The following OR56A1 variants were observed in gnomAD, a reference collection of about 807,000 sequenced individuals.
OR56A1 encodes olfactory receptor 56A1.
For synonymous variants in OR56A1, 174 were observed against 159.1 expected, an observed-to-expected ratio of 1.09 and a Z score of -0.70; for missense variants, 360 against 380.9, an observed-to-expected ratio of 0.94 and a Z score of 0.46.
At position 6,022,858 on chromosome 11, in the gene OR56A1, A is replaced by T. The variant is rs1848410725; in HGVS notation, c.*3890T>A. On this transcript the variant is annotated 3_prime_UTR_variant, in exon 2 of 2. Transcript: ENST00000641900. ...ATAGGTGCAGAAATGTTGTTATTATATACAGTACTCAGCCAAATGCTGATA... is the reference window on the plus strand; with the variant it reads ...ATAGGTGCAGAAATGTTGTTATTATTTACAGTACTCAGCCAAATGCTGATA... 6.6e-6 allele frequency: 1 copy of T among 152,192 alleles called. No individual in the cohort carries two copies. The highest frequency in any genetic ancestry group is 2.4e-5 in the African/African-American group (1 of 41,450). The allele number at this position is 152,192 out of a possible 1,614,324, so 9.4% of individuals were successfully genotyped here.
upstream of OR56A1, among the ~76,000 whole-genome samples, chr11:6,032,899 C>T (rs1176450778): frequency 1.3e-5 from 2 of 152,116 alleles, no homozygotes; most frequent in Non-Finnish European, 1.5e-5. Flanking sequence ...ACCAATTTAT[C>T]CAAACAGAAA....
upstream of OR56A1, among the ~76,000 whole-genome samples, chr11:6,031,376 C>A (rs955227678): frequency 1.3e-5 from 2 of 151,970 alleles, no homozygotes; most frequent in Non-Finnish European, 2.9e-5. Flanking sequence ...AGAGACATGA[C>A]CAGATTTAGG....
rs982369601 is a variant in OR56A1 at position 6,020,886 on chromosome 11, G to A, written c.*5862C>T. The A allele has an allele frequency of 6.6e-6, 1 of 152,030 alleles. No individual in the cohort carries two copies. Among genetic ancestry groups the A allele is most frequent in the African/African-American group, 2.4e-5 (1 of 41,410 alleles). 9.4% of individuals were successfully genotyped at this position (152,030 alleles called of 1,614,324 possible). A position where few individuals can be genotyped will look rare whatever the true frequency, so the allele number is the denominator to read the frequency against. ...GAGAAGGCATCTTTGCCTTGTGCCA[G>A]TTTTATAGGGGAATGCTTCCATCTT... On this transcript the variant is annotated 3_prime_UTR_variant, in exon 2 of 2. Coordinates refer to ENST00000641900, the MANE Select transcript of OR56A1 (RefSeq NM_001388488.1).
chr11:6,024,342 A>C lies in OR56A1; in HGVS notation c.*2406T>G, dbSNP rs149861811. 6.6e-6 allele frequency: 1 copy of C among 152,290 alleles called. No individual in the cohort carries two copies. Among genetic ancestry groups the C allele is most frequent in the Non-Finnish European group, 1.5e-5 (1 of 68,020 alleles). The allele number at this position is 152,290 out of a possible 1,614,324, so 9.4% of individuals were successfully genotyped here. A position where few individuals can be genotyped will look rare whatever the true frequency, so the allele number is the denominator to read the frequency against. ...ACACCCAGTTTGAGTCAAGCATCTC[A>C]TAATTGTGTTGGCCATTTGCATTGA... On this transcript the variant is annotated 3_prime_UTR_variant, in exon 2 of 2. Coordinates refer to ENST00000641900, the MANE Select transcript of OR56A1 (RefSeq NM_001388488.1).
At chr11:6,031,208 A>C (rs1848508441), upstream of OR56A1, among the ~76,000 whole-genome samples, 2 of 152,314 alleles carry the variant, frequency 1.3e-5, 1 homozygote, top group Middle Eastern at 6.8e-3. Flanking sequence ...TGCAATATTT[A>C]ATCTGACTGG....
rs760868808 is a variant in OR56A1, at chr11:6,027,515, G to A, written c.178C>T (p.Gln60Ter). The change falls in exon 2 of 2, where the codon CAG becomes TAG. Residue 60 changes from glutamine to a stop codon, truncating the protein, a stop_gained. Transcript: ENST00000641900. LOFTEE classifies it low-confidence loss of function (END_TRUNC). ...ITIQLEASLH[Q>*]PLYYLLSLLS... ...AGGCTGAGCAGGTAGTACAGGGGCT[G>A]GTGCAGAGAGGCCTCCAGCTGGATG... is the stretch of plus-strand genomic sequence containing the variant. 5.0e-6 allele frequency: 8 copies of A among 1,613,922 alleles called. No individual in the cohort carries two copies. In the African/African-American group the frequency reaches 5.3e-5, roughly 11 times the overall value.
At position 6,024,138 on chromosome 11, in the gene OR56A1, T is replaced by C. The variant is rs1848423812; in HGVS notation, c.*2610A>G. The stretch of plus-strand genomic sequence containing the variant: ...CTAGAGATTAAAGATAGACATGATT[T>C]TTCAACTCTTCTTTTAGCCAATTCA... On this transcript the variant is annotated 3_prime_UTR_variant, in exon 2 of 2. Transcript: ENST00000641900. 6.6e-6 allele frequency: 1 copy of C among 152,202 alleles called. No homozygotes were observed. Among genetic ancestry groups the C allele is most frequent in the Admixed American group, 6.5e-5 (1 of 15,290 alleles). 9.4% of individuals were successfully genotyped at this position (152,202 alleles called of 1,614,324 possible).
rs370727035 is a variant in OR56A1 at position 6,024,255 on chromosome 11, G to C, written c.*2493C>G. On this transcript the variant is annotated 3_prime_UTR_variant, in exon 2 of 2. Coordinates refer to ENST00000641900, the MANE Select transcript of OR56A1 (RefSeq NM_001388488.1). The stretch of plus-strand genomic sequence containing the variant: ...GGGTGATCACTGTTGTCCCACTGCT[G>C]TCTTGGTCCCTCCATCCTTTACAAA... 4 of 152,344 alleles carry C rather than the reference G, an allele frequency of 2.6e-5. No individual in the cohort carries two copies. In the East Asian group the frequency reaches 7.7e-4, roughly 29 times the overall value. 9.4% of individuals were successfully genotyped at this position (152,344 alleles called of 1,614,324 possible).
In OR56A1 at chr11:6,023,402, T is replaced by C. The variant is rs1284124470; in HGVS notation, c.*3346A>G. On this transcript the variant is annotated 3_prime_UTR_variant, in exon 2 of 2. Transcript: ENST00000641900. ...CTCAACAATACTTAGGTGTTTGTTT[T>C]GAGCTTTGGCTACCAACATAGGGTC... 2 of 152,224 alleles carry C rather than the reference T, an allele frequency of 1.3e-5. No individual in the cohort carries two copies. The highest frequency in any genetic ancestry group is 2.9e-5 in the Non-Finnish European group (2 of 68,030). 9.4% of individuals were successfully genotyped at this position (152,224 alleles called of 1,614,324 possible).
At chr11:6,028,080 A>C (rs1022405377) in intron 1 of OR56A1, among the ~76,000 whole-genome samples, 2 of 152,134 alleles carry the variant, frequency 1.3e-5, no homozygotes, top group African/African-American at 4.8e-5. Flanking sequence ...CATTTTGGAG[A>C]AAAATAGCTT....
chr11:6,030,372 G>A (rs1363183654), intron 1 of OR56A1, among the ~76,000 whole-genome samples: 3 of 147,858 alleles, frequency 2.0e-5, no homozygotes, highest in Non-Finnish European at 4.6e-5. Context: ...AAGTTCATGA[G>A]GGAAGAAACC....
Position 6,022,892 on chromosome 11 carries a change from T to C in OR56A1, c.*3856A>G, listed in dbSNP as rs1181738800. ...TCAGCCAAATGCTGATAGTGTAATA[T>C]GTTATGAAACACTAAGGATATTCAC... On this transcript the variant is annotated 3_prime_UTR_variant, in exon 2 of 2. Coordinates refer to ENST00000641900, the MANE Select transcript of OR56A1 (RefSeq NM_001388488.1). 6.6e-6 allele frequency: 1 copy of C among 152,240 alleles called. No homozygotes were observed. Among genetic ancestry groups the C allele is most frequent in the African/African-American group, 2.4e-5 (1 of 41,460 alleles). 9.4% of individuals were successfully genotyped at this position (152,240 alleles called of 1,614,324 possible).
At chr11:6,034,008 T>C (rs1235096259), upstream of OR56A1, among the ~76,000 whole-genome samples, 1 of 152,154 alleles carries the variant, frequency 6.6e-6, no homozygotes, top group African/African-American at 2.4e-5. Flanking sequence ...AGACCTTCTG[T>C]TCCTGGTCAG....
Position 6,026,744 on chromosome 11 carries a change from A to G in OR56A1, c.*4T>C. The G allele has an allele frequency of 2.0e-6, 3 of 1,531,352 alleles. No homozygotes were observed. Among genetic ancestry groups the G allele is most frequent in the Non-Finnish European group, 1.8e-6 (2 of 1,119,412 alleles). 94.9% of individuals were successfully genotyped at this position (1,531,352 alleles called of 1,614,324 possible). A position where few individuals can be genotyped will look rare whatever the true frequency, so the allele number is the denominator to read the frequency against. On this transcript the variant is annotated 3_prime_UTR_variant, in exon 2 of 2. Coordinates refer to ENST00000641900, the MANE Select transcript of OR56A1 (RefSeq NM_001388488.1). ...ACAGGAGGTATTAGAAATGCTTTACATATTCACCTCCCTCTCTGCAGTAAC... is the reference window on the plus strand; with the variant it reads ...ACAGGAGGTATTAGAAATGCTTTACGTATTCACCTCCCTCTCTGCAGTAAC...
At chr11:6,027,966 T>G (rs1048820593) in intron 1 of OR56A1, among the ~76,000 whole-genome samples, 4 of 151,158 alleles carry the variant, frequency 2.6e-5, no homozygotes, top group African/African-American at 9.7e-5. Context: ...TGACAGGCAG[T>G]AACCTCACTA....
upstream of OR56A1, among the ~76,000 whole-genome samples, chr11:6,032,633 G>T (rs942825338): frequency 6.6e-6 from 1 of 152,080 alleles, no homozygotes; most frequent in Non-Finnish European, 1.5e-5. Flanking sequence ...TGTTGTAAAG[G>T]GTAGCCACAG....
In OR56A1 at chr11:6,023,404, A is replaced by C. The variant is rs533348711; in HGVS notation, c.*3344T>G. On this transcript the variant is annotated 3_prime_UTR_variant, in exon 2 of 2. Transcript: ENST00000641900. ...CAACAATACTTAGGTGTTTGTTTTG[A>C]GCTTTGGCTACCAACATAGGGTCCC... 1 of 152,282 alleles carries C rather than the reference A, an allele frequency of 6.6e-6. No individual in the cohort carries two copies. Among genetic ancestry groups the C allele is most frequent in the South Asian group, 2.1e-4 (1 of 4,824 alleles). The allele number at this position is 152,282 out of a possible 1,614,324, so 9.4% of individuals were successfully genotyped here.
At chr11:6,033,551 C>A (rs116420391), upstream of OR56A1, among the ~76,000 whole-genome samples, 2,468 of 151,166 alleles carry the variant, frequency 0.016, 69 homozygotes, top group African/African-American at 0.055. Flanking sequence ...GTGGACTATC[C>A]AATACAGGGC....
chr11:6,027,809 A>T, intron 1 of OR56A1, 83 bp from the exon 2 acceptor site: 3 of 854,452 alleles, frequency 3.5e-6, no homozygotes, highest in Non-Finnish European at 5.5e-6. Context: ...TAGGAAGCCA[A>T]TGATAGGTAG....
Sources: allele counts gnomAD v4.1 joint callset (sites outside exome capture counted in the v4.1 genomes callset), GRCh38; gene constraint gnomAD v4.1.1; transcripts MANE v1.5; gene names NCBI Gene and HGNC (gene_info 2026-07-23, HGNC 2026-07-21).